Variants in NLGN1 observed in about 807,000 individuals in gnomAD.
NLGN1 encodes the protein neuroligin 1.
NLGN1 carries 12 observed loss-of-function variants against 65.5 expected under a neutral mutation model. The ratio of observed to expected loss-of-function variants is 0.18; its 90% CI spans 0.12 to 0.30. The LOEUF is 0.30. NLGN1 is among the 10% of genes least tolerant of loss of function. NLGN1 has a pLI of 1.00. For synonymous variants in NLGN1, 350 were observed against 359.5 expected, an observed-to-expected ratio of 0.97 and a Z score of 0.30; for missense variants, 750 against 1,007.1, an observed-to-expected ratio of 0.74 and a Z score of 3.46.
At chr3:173,682,102 CT>C (rs1764019978) in intron 3 of NLGN1, among the ~76,000 whole-genome samples, 1 of 151,994 alleles carries the variant, frequency 6.6e-6, no homozygotes, top group Non-Finnish European at 1.5e-5. Context: ...ACTCCCTTGT[CT>C]TTTTTCTCAT....
At chr3:173,820,989 A>C (rs1471822262) in intron 4 of NLGN1, among the ~76,000 whole-genome samples, 1 of 152,194 alleles carries the variant, frequency 6.6e-6, no homozygotes, top group South Asian at 2.1e-4. Flanking sequence ...CATTATCACA[A>C]ATAGAGATTT....
intron 4 of NLGN1, among the ~76,000 whole-genome samples, chr3:174,027,589 T>C (rs1364190536): frequency 6.6e-6 from 1 of 152,118 alleles, no homozygotes; most frequent in Non-Finnish European, 1.5e-5. Flanking sequence ...AATAATGATA[T>C]ATTATTATTA....
chr3:173,848,854 A>G lies in NLGN1; in HGVS notation c.646+41022A>G, dbSNP rs1436732919. On this transcript the variant is annotated intron_variant, in intron 4 of 6. Transcript: ENST00000457714. Reference sequence around the variant, plus strand: ...TATTTTCTGACTATTACAAAATTAAATAGGATATACCAACATTAAAAATAA... The same window carrying G: ...TATTTTCTGACTATTACAAAATTAAGTAGGATATACCAACATTAAAAATAA... Among the ~76,000 whole-genome samples, 5 of 152,212 alleles carry G rather than the reference A, an allele frequency of 3.3e-5. No homozygotes were observed. In the East Asian group the frequency reaches 9.6e-4, roughly 29 times the overall value.
rs773040010 is a variant in NLGN1 at position 173,545,038 on chromosome 3, T to TTG, written c.-320-59224_-320-59223dup. Among the ~76,000 whole-genome samples the TTG allele has an allele frequency of 4.7e-3, 713 of 150,528 alleles. 1 individual carries two copies. Among genetic ancestry groups the TTG allele is most frequent in the African/African-American group, 9.9e-3 (406 of 40,972 alleles). ...AGGTCATTGATAACTCTGCAAAGTT[T>TTG]TGTGTGTGTGTGTGTGTGGTTGTTT... is the stretch of plus-strand genomic sequence containing the variant. On this transcript the variant is annotated intron_variant, in intron 2 of 6. Coordinates refer to ENST00000457714, the Ensembl canonical transcript of NLGN1.
intron 4 of NLGN1, among the ~76,000 whole-genome samples, chr3:174,015,377 G>C (rs1201448722): frequency 6.6e-6 from 1 of 152,206 alleles, no homozygotes; most frequent in South Asian, 2.1e-4. Context: ...TCTCTTTCCG[G>C]CTTACAGATG....
At chr3:174,106,729 A>C (rs138661548) in intron 4 of NLGN1, among the ~76,000 whole-genome samples, 57 of 152,006 alleles carry the variant, frequency 3.7e-4, no homozygotes, top group Admixed American at 3.3e-4. Context: ...ACCCTATGCC[A>C]TCTGCAAGCT....
chr3:174,204,685 T>G (rs1187071422), intron 4 of NLGN1, among the ~76,000 whole-genome samples: 1 of 152,238 alleles, frequency 6.6e-6, no homozygotes, highest in African/African-American at 2.4e-5. Context: ...GGTCTTTCCG[T>G]GACTAATGCC....
chr3:174,243,327 C>T (rs1743230100), intron 4 of NLGN1, among the ~76,000 whole-genome samples: 1 of 152,108 alleles, frequency 6.6e-6, no homozygotes, highest in Non-Finnish European at 1.5e-5. Context: ...CTTAATGTGG[C>T]TTGTTAGGCT....
At chr3:173,455,648 A>T (rs1722387398) in intron 2 of NLGN1, among the ~76,000 whole-genome samples, 1 of 152,070 alleles carries the variant, frequency 6.6e-6, no homozygotes, top group African/African-American at 2.4e-5. Context: ...TATAAAAAAA[A>T]TGCACTATGT....
In NLGN1 at chr3:174,118,662, A is replaced by G. The variant is rs1411297824; in HGVS notation, c.647-156653A>G. Among the ~76,000 whole-genome samples the G allele has an allele frequency of 2.0e-5, 3 of 151,872 alleles. No homozygotes were observed. In the East Asian group the frequency reaches 5.8e-4, roughly 29 times the overall value. On this transcript the variant is annotated intron_variant, in intron 4 of 6. Coordinates refer to ENST00000457714, the Ensembl canonical transcript of NLGN1. ...ATTCTTAGATGTTCAGCAAGTACAT[A>G]TGGGGTGATTTCAGGAGTAGGAAGA...
intron 4 of NLGN1, among the ~76,000 whole-genome samples, chr3:174,009,195 A>G (rs758119855): frequency 1.5e-4 from 23 of 152,220 alleles, no homozygotes; most frequent in Non-Finnish European, 2.9e-4. Context: ...TTATGAGGGC[A>G]TTAATCCTAT....
intron 2 of NLGN1, among the ~76,000 whole-genome samples, chr3:173,566,698 T>C (rs536779616): frequency 2.6e-5 from 4 of 152,236 alleles, no homozygotes; most frequent in African/African-American, 7.2e-5. Flanking sequence ...CTTCAGCACT[T>C]ATCATGTTGA....
chr3:174,108,766 A>C (rs1714543211), intron 4 of NLGN1, among the ~76,000 whole-genome samples: 1 of 152,068 alleles, frequency 6.6e-6, no homozygotes. Flanking sequence ...CTAATTGAGA[A>C]GATGGGTCAG....
At chr3:173,729,113 A>T (rs9290478) in intron 3 of NLGN1, among the ~76,000 whole-genome samples, 136,689 of 152,018 alleles carry the variant, frequency 0.9, 61,474 homozygotes, top group East Asian at 1. Context: ...GGGGTTTTAT[A>T]AACCCAGGTC....
At chr3:173,996,790 C>A (rs1357532372) in intron 4 of NLGN1, among the ~76,000 whole-genome samples, 1 of 152,102 alleles carries the variant, frequency 6.6e-6, no homozygotes, top group Non-Finnish European at 1.5e-5. Context: ...AGAGAATATG[C>A]AACAAAGTAA....
chr3:173,759,595 T>A (rs1255727148), intron 3 of NLGN1, among the ~76,000 whole-genome samples: 1 of 151,964 alleles, frequency 6.6e-6, no homozygotes, highest in Non-Finnish European at 1.5e-5. Context: ...GCAATGCTAT[T>A]GGCCACGTAG....
intron 2 of NLGN1, among the ~76,000 whole-genome samples, chr3:173,583,728 T>C (rs1275779170): frequency 6.6e-6 from 1 of 152,154 alleles, no homozygotes; most frequent in African/African-American, 2.4e-5. Flanking sequence ...TTGAGGTCAT[T>C]GAATTTAAAA....
chr3:173,490,718 A>G (rs1439020393), intron 2 of NLGN1, among the ~76,000 whole-genome samples: 1 of 152,150 alleles, frequency 6.6e-6, no homozygotes, highest in Non-Finnish European at 1.5e-5. Flanking sequence ...GATTCTTCCT[A>G]TCCATGAGCA....
At position 174,200,389 on chromosome 3, in the gene NLGN1, A is replaced by G. The variant is rs192199687; in HGVS notation, c.647-74926A>G. Among the ~76,000 whole-genome samples, 411 of 152,350 alleles carry G rather than the reference A, an allele frequency of 2.7e-3. 1 individual carries two copies. The highest frequency in any genetic ancestry group is 4.6e-3 in the Non-Finnish European group (312 of 68,042). ...ATTAAAACCCAAAGCTTGAGTCTTCACATTCTGACTTAGAAAGACTTCCTT... is the reference window on the plus strand; with the variant it reads ...ATTAAAACCCAAAGCTTGAGTCTTCGCATTCTGACTTAGAAAGACTTCCTT... On this transcript the variant is annotated intron_variant, in intron 4 of 6. Coordinates refer to ENST00000457714, the Ensembl canonical transcript of NLGN1.
Sources: gnomAD v4.1 joint callset for allele counts (sites outside exome capture counted in the v4.1 genomes callset) on GRCh38, gnomAD v4.1.1 for gene constraint, MANE v1.5 for transcripts, NCBI Gene and HGNC (gene_info 2026-07-23, HGNC 2026-07-21) for gene names.